The following PLXNC1 variants were observed in gnomAD, a reference collection of about 807,000 sequenced individuals.
PLXNC1 encodes the protein plexin C1, also known as plexin-C1.
In PLXNC1, 75 loss-of-function variants were observed where a neutral mutation model predicts 178.2. The observed-to-expected ratio is 0.42, with a 90% CI of 0.35 to 0.51. The LOEUF (loss-of-function observed/expected upper bound fraction) is 0.51, where lower values mean the gene tolerates loss of function less well. PLXNC1 is among the 20% of genes least tolerant of loss of function. The pLI, the probability that PLXNC1 is intolerant of heterozygous loss-of-function variation, is 0.02. For synonymous variants in PLXNC1, 790 were observed against 779.9 expected (o/e 1.01, Z -0.22); for missense variants, 1,503 against 1,984.4 (o/e 0.76, Z 4.61).
intron 22 of PLXNC1, chr12:94,279,942 G>A (rs577230068): frequency 7.2e-5 from 37 of 515,056 alleles, no homozygotes; most frequent in South Asian, 5.4e-4. Flanking sequence ...GAGACTGCAC[G>A]GAATCACCTT....
intron 2 of PLXNC1, among the ~76,000 whole-genome samples, chr12:94,177,161 G>GTATATATATATATATACGTA (rs533538226): frequency 4.4e-5 from 4 of 91,298 alleles, no homozygotes; most frequent in Non-Finnish European, 6.0e-5. Flanking sequence ...ATATATATAT[G>GTATATATATATATATACGTA]TATATATATA....
At chr12:94,274,181 A>AAATTT (rs1965772253) in intron 21 of PLXNC1, among the ~76,000 whole-genome samples, 2 of 145,282 alleles carry the variant, frequency 1.4e-5, no homozygotes, top group South Asian at 4.3e-4. Context: ...AAAAAAAAAA[A>AAATTT]AAAAAATTTA....
chr12:94,300,630 G>A (rs1358005891), intron 27 of PLXNC1, among the ~76,000 whole-genome samples: 1 of 152,170 alleles, frequency 6.6e-6, no homozygotes, highest in Non-Finnish European at 1.5e-5. Flanking sequence ...AAATAATCCA[G>A]GTGAGAGAGA....
chr12:94,287,787 T>G (rs571079714), intron 23 of PLXNC1, among the ~76,000 whole-genome samples: 5 of 152,248 alleles, frequency 3.3e-5, no homozygotes, highest in Non-Finnish European at 5.9e-5. Context: ...GCTAAAGGTC[T>G]GTTGCAGTGT....
chr12:94,266,024 T>C (rs991031500), intron 21 of PLXNC1, among the ~76,000 whole-genome samples: 6 of 152,204 alleles, frequency 3.9e-5, no homozygotes, highest in Non-Finnish European at 8.8e-5. Flanking sequence ...ATCTTTAGCT[T>C]TATGAAGATT....
At chr12:94,166,232 T>C (rs1961602666) in intron 1 of PLXNC1, among the ~76,000 whole-genome samples, 1 of 149,452 alleles carries the variant, frequency 6.7e-6, no homozygotes, top group Non-Finnish European at 1.5e-5. Flanking sequence ...TGTTGCTATG[T>C]GCCAAACCTG....
At chr12:94,219,746 T>A (rs1963736950) in intron 5 of PLXNC1, among the ~76,000 whole-genome samples, 2 of 152,118 alleles carry the variant, frequency 1.3e-5, no homozygotes. Flanking sequence ...AGAATAAGAA[T>A]ATGCTCTTTA....
intron 15 of PLXNC1, 79 bp from the exon 16 acceptor site, chr12:94,254,708 A>T: frequency 1.1e-6 from 1 of 950,504 alleles, no homozygotes; most frequent in Admixed American, 2.7e-5. Flanking sequence ...GTTTTTAAGA[A>T]CTGTAAAGAT....
chr12:94,199,637 G>A (rs183831359), intron 4 of PLXNC1, among the ~76,000 whole-genome samples: 1 of 152,300 alleles, frequency 6.6e-6, no homozygotes, highest in Admixed American at 6.5e-5. Context: ...TTTTTCAGCT[G>A]TGAGAGGAGC....
intron 23 of PLXNC1, among the ~76,000 whole-genome samples, chr12:94,288,102 G>A (rs1020317562): frequency 6.6e-6 from 1 of 152,218 alleles, no homozygotes; most frequent in Non-Finnish European, 1.5e-5. Flanking sequence ...CCTAACCTCC[G>A]AGGCAGCCTG....
intron 4 of PLXNC1, among the ~76,000 whole-genome samples, chr12:94,189,651 G>C (rs1043216829): frequency 6.7e-6 from 1 of 150,016 alleles, no homozygotes; most frequent in Admixed American, 6.7e-5. Flanking sequence ...CTACTTTCCA[G>C]CTTGGATGAC....
rs1555213097 is a variant in PLXNC1 at position 94,303,749 on chromosome 12, T to TTC, written c.4387-7_4387-6insTC. ...GATGGTTGCTTTTTTTTTTTTTTTT[T>TTC]CCCCAGGAAGCACCAACTAATAAGC... On this transcript the variant is annotated splice_polypyrimidine_tract_variant and splice_region_variant and intron_variant, in intron 28 of 30. Transcript: ENST00000258526. The TTC allele has an allele frequency of 5.8e-4, 786 of 1,343,972 alleles. 3 individuals carry two copies. The highest frequency in any genetic ancestry group is 6.5e-4 in the Non-Finnish European group (670 of 1,026,590). 83.3% of individuals were successfully genotyped at this position (1,343,972 alleles called of 1,614,324 possible).
At chr12:94,154,347 A>G (rs775442439) in intron 1 of PLXNC1, among the ~76,000 whole-genome samples, 1 of 152,180 alleles carries the variant, frequency 6.6e-6, no homozygotes, top group African/African-American at 2.4e-5. Context: ...TTACAAGTCT[A>G]TATTAAGGAG....
At chr12:94,278,833 T>TAA (rs532540332) in intron 21 of PLXNC1, among the ~76,000 whole-genome samples, 9 of 151,906 alleles carry the variant, frequency 5.9e-5, no homozygotes, top group Non-Finnish European at 1.2e-4. Context: ...CCGTCTCTAC[T>TAA]AAAAAAATAC....
At chr12:94,191,805 G>A (rs1962737162) in intron 4 of PLXNC1, among the ~76,000 whole-genome samples, 1 of 151,444 alleles carries the variant, frequency 6.6e-6, no homozygotes, top group Admixed American at 6.6e-5. Context: ...AGTATAAGTA[G>A]ATAAAAAGCA....
chr12:94,295,723 G>T (rs1039389700), intron 24 of PLXNC1, among the ~76,000 whole-genome samples: 6 of 152,104 alleles, frequency 3.9e-5, no homozygotes, highest in African/African-American at 1.4e-4. Flanking sequence ...GGCACATAAT[G>T]GCACACAGTG....
intron 21 of PLXNC1, among the ~76,000 whole-genome samples, chr12:94,269,357 A>G (rs1965437937): frequency 6.6e-6 from 1 of 152,220 alleles, no homozygotes; most frequent in Admixed American, 6.5e-5. Flanking sequence ...AATGCCTCCA[A>G]TTTGATTTAT....
intron 12 of PLXNC1, among the ~76,000 whole-genome samples, chr12:94,246,186 C>T (rs945041267): frequency 5.3e-5 from 8 of 152,262 alleles, no homozygotes; most frequent in East Asian, 3.9e-4. Context: ...TCCTGCAGGG[C>T]GGTTATTATT....
intron 6 of PLXNC1, 100 bp from the exon 7 acceptor site, chr12:94,224,128 T>G: frequency 1.3e-6 from 1 of 780,414 alleles, no homozygotes; most frequent in South Asian, 1.4e-5. Context: ...CTGCCCACTA[T>G]GCAGAGGAAG....
Sources: gnomAD v4.1 joint callset for allele counts (sites outside exome capture counted in the v4.1 genomes callset) on GRCh38, gnomAD v4.1.1 for gene constraint, MANE v1.5 for transcripts, NCBI Gene and HGNC (gene_info 2026-07-23, HGNC 2026-07-21) for gene names.